DUT: variants seen among roughly 807,000 people sequenced by gnomAD.
DUT encodes the protein deoxyuridine 5'-triphosphate nucleotidohydrolase, mitochondrial.
In DUT, 21 loss-of-function variants were observed where a neutral mutation model predicts 28.8. That is an observed-to-expected ratio of 0.73 (90% CI 0.52 to 1.05). The LOEUF is 1.05. Among genes scored for constraint, DUT ranks in the 50% least tolerant of loss-of-function variants. The pLI is 0.00. For missense variants in DUT, 344 were observed against 351.8 expected (o/e 0.98, Z 0.18); for synonymous variants, 147 against 143.7 (o/e 1.02, Z -0.17).
At chr15:48,336,460 A>G (rs2141162861) in intron 4 of DUT, among the ~76,000 whole-genome samples, 1 of 152,266 alleles carries the variant, frequency 6.6e-6, no homozygotes, top group Middle Eastern at 3.4e-3. Context: ...AGGAGAGAAA[A>G]CACTTTTCTC....
rs527965745 is a variant in DUT at position 48,337,846 on chromosome 15, C to G, written c.556+1756C>G. ...TGAAGAGAGATGTTGTTAGAAATCC[C>G]AGGCTCTAAATAAGGGTCAAAGGGA... On this transcript the variant is annotated intron_variant, in intron 4 of 6. Transcript: ENST00000331200. Among the ~76,000 whole-genome samples the G allele has an allele frequency of 2.2e-3, 330 of 152,258 alleles. 2 individuals carry two copies. Among genetic ancestry groups the G allele is most frequent in the Non-Finnish European group, 4.0e-3 (269 of 68,024 alleles).
At position 48,342,265 on chromosome 15, in the gene DUT, G is replaced by C. The variant is rs1045894173; in HGVS notation, c.*187G>C. 2 of 361,948 alleles carry C rather than the reference G, an allele frequency of 5.5e-6. No homozygotes were observed. The highest frequency in any genetic ancestry group is 9.8e-6 in the Non-Finnish European group (2 of 203,568). 22.4% of individuals were successfully genotyped at this position (361,948 alleles called of 1,614,324 possible). On this transcript the variant is annotated 3_prime_UTR_variant, in exon 7 of 7. Transcript: ENST00000331200. ...GATCATTAAAAAAAAACACAAAGAAGTTTTTCTTTGTGTTTGGATCAAAAA... is the reference window on the plus strand; with the variant it reads ...GATCATTAAAAAAAAACACAAAGAACTTTTTCTTTGTGTTTGGATCAAAAA...
intron 4 of DUT, 23 bp downstream of exon 4, chr15:48,336,113 C>T: frequency 6.4e-7 from 1 of 1,565,458 alleles, no homozygotes; most frequent in Non-Finnish European, 8.6e-7. Flanking sequence ...CTTTTTTATT[C>T]TGTAAATGTT....
intron 2 of DUT, 53 bp from the exon 3 acceptor site, chr15:48,334,364 A>G: frequency 7.8e-7 from 1 of 1,279,400 alleles, no homozygotes; most frequent in Non-Finnish European, 1.1e-6. Flanking sequence ...AAGAAAATAT[A>G]AAAACAATTT....
At chr15:48,333,859 C>G (rs1411285664) in intron 2 of DUT, among the ~76,000 whole-genome samples, 1 of 152,162 alleles carries the variant, frequency 6.6e-6, no homozygotes, top group Non-Finnish European at 1.5e-5. Flanking sequence ...CCGTTTTTCT[C>G]CTTTCCTTCT....
At chr15:48,340,971 G>A (rs2042528026) in intron 4 of DUT, among the ~76,000 whole-genome samples, 1 of 152,142 alleles carries the variant, frequency 6.6e-6, no homozygotes. Context: ...TTTTCTCCTA[G>A]TCTTTTTGGC....
chr15:48,331,242 A>G, upstream of DUT: 2 of 1,481,604 alleles, frequency 1.3e-6, no homozygotes, highest in East Asian at 2.6e-5. Flanking sequence ...TCTCGGAAAA[A>G]TGGGGGCCAG....
chr15:48,332,306 G>T lies in DUT; in HGVS notation c.319G>T (p.Ala107Ser). 6.2e-7 allele frequency: 1 copy of T among 1,609,018 alleles called. No homozygotes were observed. The highest frequency in any genetic ancestry group is 8.5e-7 in the Non-Finnish European group (1 of 1,178,440). The change falls in exon 2 of 7, where the codon GCG becomes TCG. Residue 107 changes from alanine (A) to serine (S), a missense_variant. By Grantham distance (99) the Ala-to-Ser change is moderately conservative. Transcript: ENST00000331200. ...TTCACCCAGTAAGCGGGCCCGGCCTGCGGAGGTGGGCGGCATGCAGCTCCG... is the reference window on the plus strand; with the variant it reads ...TTCACCCAGTAAGCGGGCCCGGCCTTCGGAGGTGGGCGGCATGCAGCTCCG... ...AISPSKRARP[A>S]EVGGMQLRFA...
At chr15:48,331,180 G>T (rs928180183), upstream of DUT, 10 of 1,519,036 alleles carry the variant, frequency 6.6e-6, no homozygotes, top group Non-Finnish European at 7.0e-6. Flanking sequence ...GCTGCGGGCG[G>T]TGCCGCCCCA....
In DUT at chr15:48,336,052, G is replaced by A. The variant is rs1234153570; in HGVS notation, c.518G>A (p.Arg173Gln). ...CTCCTTTTTTGTTTTTTAGCTCCACGGTCAGGCTTGGCTGCAAAACACTTT... is the reference window on the plus strand; with the variant it reads ...CTCCTTTTTTGTTTTTTAGCTCCACAGTCAGGCTTGGCTGCAAAACACTTT... ...PSGCYGRVAP[R>Q]SGLAAKHFID... is the part of the protein sequence containing the mutation. Residue 173 changes from arginine to glutamine, a missense_variant, in exon 4 of 7, where the codon CGG becomes CAG. Coordinates refer to ENST00000331200, the MANE Select transcript of DUT (RefSeq NM_001025248.2). 4 of 1,603,748 alleles carry A rather than the reference G, an allele frequency of 2.5e-6. No homozygotes were observed. The highest frequency in any genetic ancestry group is 1.3e-5 in the African/African-American group (1 of 74,252).
chr15:48,335,486 CTT>C (rs2042465742), intron 3 of DUT, among the ~76,000 whole-genome samples: 2 of 152,110 alleles, frequency 1.3e-5, no homozygotes, highest in South Asian at 4.1e-4. Context: ...ACAGGCATGT[CTT>C]TTGGCATCTG....
intron 2 of DUT, among the ~76,000 whole-genome samples, chr15:48,333,036 G>A (rs2042435812): frequency 6.6e-6 from 1 of 151,454 alleles, no homozygotes; most frequent in Admixed American, 6.6e-5. Flanking sequence ...TTCCCCAGAG[G>A]CTTGAAGATG....
chr15:48,332,827 G>T lies in DUT; in HGVS notation c.419+421G>T, dbSNP rs140811122. The T allele has an allele frequency of 7.0e-4, 321 of 455,804 alleles. 1 individual carries two copies. The highest frequency in any genetic ancestry group is 5.4e-3 in the African/African-American group (272 of 50,046). The allele number at this position is 455,804 out of a possible 1,614,324, so 28.2% of individuals were successfully genotyped here. On this transcript the variant is annotated intron_variant, in intron 2 of 6. Transcript: ENST00000331200. ...AAAGTTATTTTCTATACATTCATCC[G>T]GCCCAGGGCGGAATTTGAGAAGGCA...
At position 48,341,179 on chromosome 15, in the gene DUT, A is replaced by T. The variant is rs993821355; in HGVS notation, c.557-110A>T. 5 of 659,852 alleles carry T rather than the reference A, an allele frequency of 7.6e-6. No homozygotes were observed. The East Asian group carries it at 8.3e-5, about 11-fold the overall frequency. 40.9% of individuals were successfully genotyped at this position (659,852 alleles called of 1,614,324 possible). A position where few individuals can be genotyped will look rare whatever the true frequency, so the allele number is the denominator to read the frequency against. Reference sequence around the variant, plus strand: ...TACCAGGGCAAGATTCACTTATTCAATTGTAAGAATACAAATCTCAGAGCT... The same window carrying T: ...TACCAGGGCAAGATTCACTTATTCATTTGTAAGAATACAAATCTCAGAGCT... On this transcript the variant is annotated intron_variant, in intron 4 of 6. Coordinates refer to ENST00000331200, the MANE Select transcript of DUT (RefSeq NM_001025248.2).
chr15:48,333,307 T>A (rs2042439730), intron 2 of DUT, among the ~76,000 whole-genome samples: 1 of 152,294 alleles, frequency 6.6e-6, no homozygotes, highest in Non-Finnish European at 1.5e-5. Context: ...TATGGACAAT[T>A]GTAGCTGGAA....
chr15:48,340,713 TAAGA>T (rs2141168464), intron 4 of DUT, among the ~76,000 whole-genome samples: 1 of 152,286 alleles, frequency 6.6e-6, no homozygotes, highest in South Asian at 2.1e-4. Flanking sequence ...AACCATGCTC[TAAGA>T]AAGGATGGTG....
chr15:48,332,952 G>T (rs772020604), intron 2 of DUT, among the ~76,000 whole-genome samples: 1 of 152,124 alleles, frequency 6.6e-6, no homozygotes, highest in Non-Finnish European at 1.5e-5. Context: ...GTTGTATTTA[G>T]TCCTCACAAC....
rs1479109718 is a variant in DUT, at chr15:48,331,934, C to G, written c.280+139C>G. On this transcript the variant is annotated intron_variant, in intron 1 of 6. Transcript: ENST00000331200. ...GGGGTGGTCCATTAGGGTCCCCTGGCGAGGGGGCGGCTTTCTAGTGTGTGA... is the reference window on the plus strand; with the variant it reads ...GGGGTGGTCCATTAGGGTCCCCTGGGGAGGGGGCGGCTTTCTAGTGTGTGA... The G allele has an allele frequency of 3.2e-6, 3 of 933,246 alleles. No homozygotes were observed. In the South Asian group the frequency reaches 7.0e-5, roughly 22 times the overall value. 57.8% of individuals were successfully genotyped at this position (933,246 alleles called of 1,614,324 possible).
At chr15:48,334,785 T>C (rs2042457181) in intron 3 of DUT, among the ~76,000 whole-genome samples, 1 of 152,196 alleles carries the variant, frequency 6.6e-6, no homozygotes. Flanking sequence ...ATTATGAGAG[T>C]AAAACTTCTG....
Sources: gnomAD v4.1 joint callset for allele counts (sites outside exome capture counted in the v4.1 genomes callset) on GRCh38, gnomAD v4.1.1 for gene constraint, MANE v1.5 for transcripts, NCBI Gene and HGNC (gene_info 2026-07-23, HGNC 2026-07-21) for gene names.